GALNT10: variants seen among roughly 807,000 people sequenced by gnomAD.
The protein encoded by GALNT10 is polypeptide N-acetylgalactosaminyltransferase 10.
In GALNT10, 41 loss-of-function variants were observed where a neutral mutation model predicts 75.0. The observed-to-expected ratio is 0.55, with a 90% CI of 0.43 to 0.71. GALNT10 has a LOEUF of 0.71. GALNT10 is among the 30% of genes least tolerant of loss of function. The pLI is 0.00. For synonymous variants in GALNT10, 302 were observed against 313.0 expected (o/e 0.96, Z 0.37); for missense variants, 727 against 818.5 (o/e 0.89, Z 1.36).
intron 1 of GALNT10, among the ~76,000 whole-genome samples, chr5:154,196,508 C>T (rs949654589): frequency 3.9e-5 from 6 of 152,084 alleles, no homozygotes; most frequent in African/African-American, 2.4e-5. Flanking sequence ...TGTCAGGGCT[C>T]GGTCTCCTTT....
At chr5:154,229,344 T>C (rs1232935655) in intron 1 of GALNT10, among the ~76,000 whole-genome samples, 1 of 152,240 alleles carries the variant, frequency 6.6e-6, no homozygotes, top group Non-Finnish European at 1.5e-5. Flanking sequence ...TCTACTTGCA[T>C]AGTATGCTCT....
At chr5:154,313,930 A>G (rs1754561358) in intron 3 of GALNT10, among the ~76,000 whole-genome samples, 1 of 152,124 alleles carries the variant, frequency 6.6e-6, no homozygotes, top group Non-Finnish European at 1.5e-5. Flanking sequence ...TCTGACTTCC[A>G]CTTAGTCAGT....
chr5:154,270,526 G>A lies in GALNT10; in HGVS notation c.160-24290G>A, dbSNP rs1007174491. ...GACCACTGGTGTCACGGGTGACCCA[G>A]TTCAGAGGACGATGATGAGCACTTC... On this transcript the variant is annotated intron_variant, in intron 1 of 11. Transcript: ENST00000297107. Among the ~76,000 whole-genome samples, 6 of 152,196 alleles carry A rather than the reference G, an allele frequency of 3.9e-5. No individual in the cohort carries two copies. The South Asian group carries it at 1.2e-3, about 32-fold the overall frequency.
intron 1 of GALNT10, among the ~76,000 whole-genome samples, chr5:154,197,092 A>G (rs1774957105): frequency 6.6e-6 from 1 of 152,074 alleles, no homozygotes; most frequent in Non-Finnish European, 1.5e-5. Context: ...CCCTTGGCTG[A>G]GATGATTAGC....
At chr5:154,404,753 G>GTTTGGGAAAA (rs1671108429) in intron 8 of GALNT10, among the ~76,000 whole-genome samples, 1 of 152,156 alleles carries the variant, frequency 6.6e-6, no homozygotes, top group African/African-American at 2.4e-5. Context: ...GTTTGGGAAA[G>GTTTGGGAAAA]CTTGCGTACT....
At chr5:154,317,381 G>T (rs539200794) in intron 3 of GALNT10, among the ~76,000 whole-genome samples, 1 of 152,296 alleles carries the variant, frequency 6.6e-6, no homozygotes, top group South Asian at 2.1e-4. Context: ...CCAGCATTAA[G>T]CCCTGATGGT....
At chr5:154,299,908 C>G (rs1220983086) in intron 3 of GALNT10, among the ~76,000 whole-genome samples, 4 of 150,742 alleles carry the variant, frequency 2.7e-5, no homozygotes, top group Non-Finnish European at 5.9e-5. Context: ...GATCTCAGCT[C>G]ACTGCAACCT....
Position 154,376,311 on chromosome 5 carries a change from C to G in GALNT10, c.603C>G (p.Ala201=), listed in dbSNP as rs376052018. 1 of 1,612,788 alleles carries G rather than the reference C, an allele frequency of 6.2e-7. No homozygotes were observed. Among genetic ancestry groups the G allele is most frequent in the Admixed American group, 1.7e-5 (1 of 59,882 alleles). Reference sequence around the variant, plus strand: ...AGAAGCCTCTTGAAGACTACATGGCCCTTTTCCCCAGTGTGAGGATTCTTC... The same window carrying G: ...AGAAGCCTCTTGAAGACTACATGGCGCTTTTCCCCAGTGTGAGGATTCTTC... ...HLKKPLEDYM[A]LFPSVRILRT... is the part of the protein sequence containing the mutation. The change falls in exon 5 of 12, where the codon GCC becomes GCG. Residue 201 remains alanine (A), a synonymous_variant. Transcript: ENST00000297107. The surrounding 1 kb of genome is among the most constrained non-coding windows in gnomAD (Gnocchi z 4.1).
At chr5:154,272,662 C>G (rs1483296006) in intron 1 of GALNT10, among the ~76,000 whole-genome samples, 6 of 152,190 alleles carry the variant, frequency 3.9e-5, no homozygotes, top group Non-Finnish European at 1.5e-5. Context: ...GCTACCACTT[C>G]CATGTCAGTT....
At chr5:154,284,506 C>CT (rs1754085445) in intron 1 of GALNT10, among the ~76,000 whole-genome samples, 1 of 152,230 alleles carries the variant, frequency 6.6e-6, no homozygotes, top group Non-Finnish European at 1.5e-5. Flanking sequence ...AACTTGCCTT[C>CT]TGATGAGCTT....
intron 1 of GALNT10, among the ~76,000 whole-genome samples, chr5:154,207,122 A>C (rs1237329197): frequency 3.3e-5 from 5 of 152,214 alleles, no homozygotes; most frequent in African/African-American, 1.2e-4. Context: ...CCTCACAGCA[A>C]CCCAATAACA....
chr5:154,376,573 G>GC lies in GALNT10; in HGVS notation c.754+116dup. On this transcript the variant is annotated intron_variant, in intron 5 of 11. Transcript: ENST00000297107. This position sits in a 1 kb window ranked among gnomAD's most constrained non-coding sequence, Gnocchi z 4.1. Reference sequence around the variant, plus strand: ...AAGCCTTCCCTTGCCTGTTCGAGATGCCCCCAGCACAATGCCAGGTGCCAT... The same window carrying GC: ...AAGCCTTCCCTTGCCTGTTCGAGATGCCCCCCAGCACAATGCCAGGTGCCAT... 2 of 681,678 alleles carry GC rather than the reference G, an allele frequency of 2.9e-6. No homozygotes were observed. Among genetic ancestry groups the GC allele is most frequent in the Non-Finnish European group, 4.9e-6 (2 of 410,876 alleles). The allele number at this position is 681,678 out of a possible 1,614,324, so 42.2% of individuals were successfully genotyped here.
chr5:154,238,968 C>T (rs1263064625), intron 1 of GALNT10, among the ~76,000 whole-genome samples: 1 of 152,086 alleles, frequency 6.6e-6, no homozygotes. Context: ...CTGAGGAAGC[C>T]GAGTCTCAGG....
In GALNT10 at chr5:154,333,161, G is replaced by C. The variant is rs554873594; in HGVS notation, c.568+3423G>C. Among the ~76,000 whole-genome samples, 3 of 152,228 alleles carry C rather than the reference G, an allele frequency of 2.0e-5. No individual in the cohort carries two copies. The South Asian group carries it at 6.2e-4, about 32-fold the overall frequency. On this transcript the variant is annotated intron_variant, in intron 4 of 11. Transcript: ENST00000297107. ...TTTCTGAAAAAGTGTTCACTAGGGG[G>C]AGTTACACTGCTAAAAGAAGTATAT... is the stretch of plus-strand genomic sequence containing the variant.
At chr5:154,388,403 C>G (rs1204081891) in intron 7 of GALNT10, 1 of 152,228 alleles carries the variant, frequency 6.6e-6, no homozygotes, top group African/African-American at 2.4e-5. Flanking sequence ...CTGATCATAG[C>G]TAACAGGACA....
In GALNT10 at chr5:154,314,274, C is replaced by T. The variant is rs1754566954; in HGVS notation, c.402-15298C>T. Among the ~76,000 whole-genome samples the T allele has an allele frequency of 2.0e-5, 3 of 152,162 alleles. No individual in the cohort carries two copies. In the South Asian group the frequency reaches 6.2e-4, roughly 32 times the overall value. On this transcript the variant is annotated intron_variant, in intron 3 of 11. Coordinates refer to ENST00000297107, the MANE Select transcript of GALNT10 (RefSeq NM_198321.4). ...CTAAGTGACAGACATGGATTTTGAACCCAGATCTGAGTGTCTCTTCAGCCT... is the reference window on the plus strand; with the variant it reads ...CTAAGTGACAGACATGGATTTTGAATCCAGATCTGAGTGTCTCTTCAGCCT...
At chr5:154,318,061 T>C (rs1358059516) in intron 3 of GALNT10, among the ~76,000 whole-genome samples, 1 of 152,252 alleles carries the variant, frequency 6.6e-6, no homozygotes, top group Non-Finnish European at 1.5e-5. Context: ...GAACTACTTA[T>C]AACGGGGCTG....
chr5:154,315,090 A>G (rs1163849321), intron 3 of GALNT10, among the ~76,000 whole-genome samples: 1 of 135,566 alleles, frequency 7.4e-6, no homozygotes, highest in African/African-American at 3.1e-5. Flanking sequence ...AAGTTTAGAA[A>G]TCTTAACTCT....
intron 1 of GALNT10, among the ~76,000 whole-genome samples, chr5:154,197,961 C>T (rs6860445): frequency 0.58 from 87,618 of 151,976 alleles, 27,287 homozygotes; most frequent in African/African-American, 0.79. Context: ...GGACAAAGGA[C>T]CTGTCTTCCA....
Sources: gnomAD v4.1 joint callset for allele counts (sites outside exome capture counted in the v4.1 genomes callset) on GRCh38, gnomAD v4.1.1 for gene constraint, Gnocchi (gnomAD v3.1) non-coding constraint, MANE v1.5 for transcripts, NCBI Gene and HGNC (gene_info 2026-07-23, HGNC 2026-07-21) for gene names.